The following RIT2 variants were observed in gnomAD, a reference collection of about 807,000 sequenced individuals.
RIT2 encodes Ras like without CAAX 2, also known as GTP-binding protein Rit2.
Under a neutral mutation model 23.7 loss-of-function variants are expected in RIT2, and 24 were observed. The ratio of observed to expected loss-of-function variants is 1.01; its 90% CI spans 0.73 to 1.43. The LOEUF (loss-of-function observed/expected upper bound fraction) is 1.43, where lower values mean the gene tolerates loss of function less well. RIT2 is among the 40% of genes most tolerant of loss of function. The probability of loss-of-function intolerance (pLI) is 0.00; values close to 1 mark genes in which losing one functional copy is unlikely to be tolerated. For missense variants in RIT2, 236 were observed against 266.9 expected, an observed-to-expected ratio of 0.88 and a Z score of 0.81; for synonymous variants, 107 against 91.1, an observed-to-expected ratio of 1.17 and a Z score of -0.99.
At chr18:42,930,156 T>C (rs936005620) in intron 3 of RIT2, among the ~76,000 whole-genome samples, 1 of 151,962 alleles carries the variant, frequency 6.6e-6, no homozygotes, top group Non-Finnish European at 1.5e-5. Flanking sequence ...TTTGATGCAA[T>C]AGGAAACCAA....
chr18:42,912,237 A>G (rs1036519920), intron 4 of RIT2, among the ~76,000 whole-genome samples: 1 of 151,828 alleles, frequency 6.6e-6, no homozygotes, highest in Non-Finnish European at 1.5e-5. Context: ...TCATGAAAAA[A>G]AAAAATCACT....
intron 2 of RIT2, among the ~76,000 whole-genome samples, chr18:42,991,742 T>C (rs1054002705): frequency 2.6e-5 from 4 of 152,186 alleles, no homozygotes; most frequent in Admixed American, 2.6e-4. Flanking sequence ...AAAGCTCCCG[T>C]ACTGAGCACC....
intron 1 of RIT2, among the ~76,000 whole-genome samples, chr18:43,041,405 A>G (rs1393902400): frequency 6.6e-6 from 1 of 152,188 alleles, no homozygotes; most frequent in Non-Finnish European, 1.5e-5. Context: ...CCTACCAGAG[A>G]AATGGACATT....
intron 1 of RIT2, among the ~76,000 whole-genome samples, chr18:43,092,526 G>T (rs1280582984): frequency 6.6e-6 from 1 of 151,950 alleles, no homozygotes; most frequent in African/African-American, 2.4e-5. Context: ...TTTTGAGTTT[G>T]TGAAACTTAA....
intron 4 of RIT2, among the ~76,000 whole-genome samples, chr18:42,918,473 A>G (rs1480459947): frequency 6.6e-6 from 1 of 152,170 alleles, no homozygotes; most frequent in Non-Finnish European, 1.5e-5. Context: ...AATAATGAGT[A>G]AATTACCGAA....
intron 4 of RIT2, among the ~76,000 whole-genome samples, chr18:42,883,742 T>C (rs567675880): frequency 1.3e-5 from 2 of 152,212 alleles, no homozygotes; most frequent in Non-Finnish European, 2.9e-5. Context: ...AAGTTTGATT[T>C]ATCAGAGTTC....
chr18:42,747,373 A>G (rs1379171176), intron 4 of RIT2, among the ~76,000 whole-genome samples: 1 of 152,144 alleles, frequency 6.6e-6, no homozygotes, highest in East Asian at 1.9e-4. Flanking sequence ...AAGGAAAACT[A>G]CAGAACACTG....
chr18:42,834,554 CACACACAT>C (rs980793427), intron 4 of RIT2, among the ~76,000 whole-genome samples: 6 of 152,114 alleles, frequency 3.9e-5, no homozygotes, highest in Non-Finnish European at 7.4e-5. Flanking sequence ...CTAAAACACA[CACACACAT>C]ACACACATAC....
At chr18:42,916,592 A>G (rs1320970103) in intron 4 of RIT2, among the ~76,000 whole-genome samples, 1 of 152,126 alleles carries the variant, frequency 6.6e-6, no homozygotes, top group Non-Finnish European at 1.5e-5. Flanking sequence ...TATGCACTTG[A>G]TTAGCTACTT....
chr18:43,028,914 A>G (rs1381350512), intron 2 of RIT2, among the ~76,000 whole-genome samples: 24 of 151,996 alleles, frequency 1.6e-4, no homozygotes, highest in Admixed American at 1.6e-3. Context: ...CAAACGTAGT[A>G]TTTTTCTAAA....
At chr18:42,976,920 A>G (rs993781895) in intron 2 of RIT2, among the ~76,000 whole-genome samples, 2 of 152,036 alleles carry the variant, frequency 1.3e-5, no homozygotes, top group African/African-American at 4.8e-5. Flanking sequence ...TTTAGAAGGT[A>G]GAAACTATAG....
chr18:43,037,245 A>T (rs1301794827), intron 1 of RIT2, among the ~76,000 whole-genome samples: 1 of 152,230 alleles, frequency 6.6e-6, no homozygotes, highest in Non-Finnish European at 1.5e-5. Flanking sequence ...AGAAAATACC[A>T]GCATAAGTCA....
intron 1 of RIT2, among the ~76,000 whole-genome samples, chr18:43,057,692 G>A (rs540545983): frequency 3.4e-4 from 52 of 151,762 alleles, no homozygotes; most frequent in Non-Finnish European, 3.1e-4. Flanking sequence ...TAGGGGTATA[G>A]CACCTTATAG....
intron 1 of RIT2, among the ~76,000 whole-genome samples, chr18:43,106,584 G>A (rs1409771792): frequency 6.6e-6 from 1 of 152,052 alleles, no homozygotes; most frequent in African/African-American, 2.4e-5. Flanking sequence ...TTTTCTCTCT[G>A]ATTTCCTTTT....
intron 4 of RIT2, among the ~76,000 whole-genome samples, chr18:42,836,014 C>T (rs994336584): frequency 6.6e-6 from 1 of 151,978 alleles, no homozygotes; most frequent in Non-Finnish European, 1.5e-5. Flanking sequence ...TTTAAGTTTC[C>T]TTTCTAGGTG....
chr18:42,751,267 A>T (rs1004743306), intron 4 of RIT2, among the ~76,000 whole-genome samples: 1 of 151,952 alleles, frequency 6.6e-6, no homozygotes, highest in African/African-American at 2.4e-5. Flanking sequence ...AGAAGTAGAG[A>T]AGGATTGAAG....
chr18:42,794,604 A>G (rs181380325), intron 4 of RIT2, among the ~76,000 whole-genome samples: 3 of 152,328 alleles, frequency 2.0e-5, no homozygotes, highest in Admixed American at 6.5e-5. Context: ...GACACAGTTT[A>G]TATCTCTGAT....
At chr18:42,754,445 A>G (rs1287576004) in intron 4 of RIT2, among the ~76,000 whole-genome samples, 2 of 152,128 alleles carry the variant, frequency 1.3e-5, no homozygotes, top group Admixed American at 6.5e-5. Flanking sequence ...TCATTCCTCA[A>G]TACATATTTT....
At chr18:42,983,492 A>AC (rs1257434282) in intron 2 of RIT2, among the ~76,000 whole-genome samples, 1 of 152,118 alleles carries the variant, frequency 6.6e-6, no homozygotes, top group Non-Finnish European at 1.5e-5. Flanking sequence ...CTACAAAAAA[A>AC]TGAACTTCAC....
Sources: gnomAD v4.1 joint callset for allele counts (sites outside exome capture counted in the v4.1 genomes callset) on GRCh38, gnomAD v4.1.1 for gene constraint, MANE v1.5 for transcripts, NCBI Gene and HGNC (gene_info 2026-07-23, HGNC 2026-07-21) for gene names.